PLD1: variants seen among roughly 807,000 people sequenced by gnomAD.
PLD1 encodes the protein choline phosphatase 1.
Under a neutral mutation model 137.1 loss-of-function variants are expected in PLD1, and 112 were observed. That is an observed-to-expected ratio of 0.82 (90% confidence interval 0.70 to 0.96). The LOEUF (loss-of-function observed/expected upper bound fraction) is 0.96. Among genes scored for constraint, PLD1 ranks in the 40% least tolerant of loss-of-function variants. The pLI is 0.00. For synonymous variants in PLD1, 431 were observed against 454.7 expected, an observed-to-expected ratio of 0.95 and a Z score of 0.66; for missense variants, 1,321 against 1,342.0, an observed-to-expected ratio of 0.98 and a Z score of 0.24.
chr3:171,643,337 C>G (rs1265575494), intron 22 of PLD1, among the ~76,000 whole-genome samples: 1 of 152,080 alleles, frequency 6.6e-6, no homozygotes, highest in Non-Finnish European at 1.5e-5. Flanking sequence ...TTAAATTCAG[C>G]AAAACCACTA....
intron 8 of PLD1, among the ~76,000 whole-genome samples, chr3:171,717,262 G>T (rs1195538335): frequency 6.6e-6 from 1 of 152,092 alleles, no homozygotes; most frequent in Non-Finnish European, 1.5e-5. Context: ...TGGTAGTTTG[G>T]TGGGAATAGC....
chr3:171,634,967 C>T (rs528491876), intron 23 of PLD1, among the ~76,000 whole-genome samples: 33 of 152,208 alleles, frequency 2.2e-4, no homozygotes, highest in African/African-American at 7.0e-4. Flanking sequence ...ATTATTCTAC[C>T]AACTGGCTCT....
chr3:171,648,889 A>G (rs2108394666), intron 21 of PLD1, among the ~76,000 whole-genome samples: 1 of 152,326 alleles, frequency 6.6e-6, no homozygotes, highest in South Asian at 2.1e-4. Flanking sequence ...GGGAGGTAAT[A>G]TTCTACCATG....
intron 12 of PLD1, among the ~76,000 whole-genome samples, chr3:171,694,649 TTCA>T (rs1715518871): frequency 6.6e-6 from 1 of 152,114 alleles, no homozygotes; most frequent in South Asian, 2.1e-4. Context: ...CCTGACATTC[TTCA>T]TCATGACCCA....
At chr3:171,688,159 T>C (rs904151352) in intron 14 of PLD1, among the ~76,000 whole-genome samples, 1 of 152,168 alleles carries the variant, frequency 6.6e-6, no homozygotes, top group Non-Finnish European at 1.5e-5. Flanking sequence ...CAGATTGATA[T>C]ACACATACAG....
chr3:171,668,932 T>C (rs1452284552), intron 19 of PLD1, among the ~76,000 whole-genome samples: 1 of 152,204 alleles, frequency 6.6e-6, no homozygotes, highest in Non-Finnish European at 1.5e-5. Context: ...TTCAGGACCA[T>C]CTCTCCCACT....
At chr3:171,774,146 C>A (rs766940347) in intron 1 of PLD1, among the ~76,000 whole-genome samples, 20 of 152,210 alleles carry the variant, frequency 1.3e-4, no homozygotes, top group Non-Finnish European at 2.5e-4. Context: ...GATTAGAACC[C>A]AGGTCGGTGC....
chr3:171,728,962 A>C (rs74449586), intron 6 of PLD1, among the ~76,000 whole-genome samples: 4,758 of 152,258 alleles, frequency 0.031, 270 homozygotes, highest in African/African-American at 0.11. Context: ...ACGTTTTTCT[A>C]ATACAGAGTT....
At chr3:171,782,212 A>G (rs1722823289) in intron 1 of PLD1, among the ~76,000 whole-genome samples, 2 of 152,312 alleles carry the variant, frequency 1.3e-5, no homozygotes, top group South Asian at 4.1e-4. Context: ...AAAAATCAAA[A>G]CAGTGGTTGC....
intron 23 of PLD1, among the ~76,000 whole-genome samples, chr3:171,625,675 A>G (rs1379128994): frequency 1.3e-5 from 2 of 152,222 alleles, no homozygotes; most frequent in Non-Finnish European, 2.9e-5. Flanking sequence ...ATGTTCAGAC[A>G]GCAGTATTCG....
chr3:171,628,854 A>C (rs1266299025), intron 23 of PLD1, among the ~76,000 whole-genome samples: 1 of 152,192 alleles, frequency 6.6e-6, no homozygotes, highest in Non-Finnish European at 1.5e-5. Context: ...TATTGATGGG[A>C]CATATCTCAA....
intron 21 of PLD1, among the ~76,000 whole-genome samples, chr3:171,646,120 T>C (rs772899569): frequency 8.8e-4 from 134 of 152,154 alleles, no homozygotes; most frequent in Non-Finnish European, 1.7e-3. Context: ...GTACCATTTA[T>C]TCAGAATCAA....
At chr3:171,708,429 G>A (rs566295990) in intron 11 of PLD1, among the ~76,000 whole-genome samples, 1 of 152,122 alleles carries the variant, frequency 6.6e-6, no homozygotes, top group Non-Finnish European at 1.5e-5. Context: ...ACCAAAATTA[G>A]AAAAAGACAT....
At chr3:171,780,253 G>A (rs866721976) in intron 1 of PLD1, among the ~76,000 whole-genome samples, 3 of 151,356 alleles carry the variant, frequency 2.0e-5, no homozygotes, top group African/African-American at 7.4e-5. Context: ...TCAGGAATGG[G>A]GTTTGGATAT....
At chr3:171,645,791 G>A (rs1736150442) in intron 21 of PLD1, among the ~76,000 whole-genome samples, 1 of 151,072 alleles carries the variant, frequency 6.6e-6, no homozygotes. Flanking sequence ...GGCTGAGGCA[G>A]GAGAATGGCG....
chr3:171,606,910 G>A (rs1182104820), intron 25 of PLD1, among the ~76,000 whole-genome samples: 6 of 152,122 alleles, frequency 3.9e-5, no homozygotes, highest in Non-Finnish European at 8.8e-5. Flanking sequence ...TCCTGGGTCA[G>A]AGAATATTCA....
intron 23 of PLD1, among the ~76,000 whole-genome samples, chr3:171,631,763 G>A (rs1734686442): frequency 1.3e-5 from 2 of 151,996 alleles, no homozygotes; most frequent in Non-Finnish European, 2.9e-5. Context: ...GCAGCTGTAA[G>A]TCCATACTAA....
At chr3:171,609,812 T>G (rs138556503) in intron 25 of PLD1, among the ~76,000 whole-genome samples, 2 of 152,170 alleles carry the variant, frequency 1.3e-5, no homozygotes, top group African/African-American at 4.8e-5. Flanking sequence ...GTACACTATT[T>G]GGGTGACAGT....
chr3:171,723,485 C>A (rs1414466346), intron 8 of PLD1, among the ~76,000 whole-genome samples: 1 of 152,118 alleles, frequency 6.6e-6, no homozygotes, highest in South Asian at 2.1e-4. Context: ...TGGGTATATA[C>A]CTAGACGTGG....
Sources: gnomAD v4.1 joint callset for allele counts (sites outside exome capture counted in the v4.1 genomes callset) on GRCh38, gnomAD v4.1.1 for gene constraint, MANE v1.5 for transcripts, NCBI Gene and HGNC (gene_info 2026-07-23, HGNC 2026-07-21) for gene names.